CELF2: variants seen among roughly 807,000 people sequenced by gnomAD.
The protein encoded by CELF2 is CUGBP Elav-like family member 2.
CELF2 carries 8 observed loss-of-function variants against 62.6 expected under a neutral mutation model. The ratio of observed to expected loss-of-function variants is 0.13; its 90% CI spans 0.07 to 0.23. The LOEUF (loss-of-function observed/expected upper bound fraction) is 0.23, where lower values mean the gene tolerates loss of function less well. CELF2 is among the 10% of genes least tolerant of loss of function. The pLI, the probability that CELF2 is intolerant of heterozygous loss-of-function variation, is 1.00. For missense variants in CELF2, 333 were observed against 671.0 expected, an observed-to-expected ratio of 0.50 and a Z score of 5.56; for synonymous variants, 258 against 250.0, an observed-to-expected ratio of 1.03 and a Z score of -0.30.
chr10:10,894,528 T>C (rs559199417), intron 1 of CELF2, among the ~76,000 whole-genome samples: 5 of 152,332 alleles, frequency 3.3e-5, no homozygotes, highest in Admixed American at 1.3e-4. Flanking sequence ...GAAAGTTCCT[T>C]TAGCACACAG....
In CELF2 at chr10:11,314,224, C is replaced by T. The variant is rs895122765; in HGVS notation, c.1062C>T (p.Ala354=). 3.1e-6 allele frequency: 5 copies of T among 1,614,064 alleles called. 1 individual carries two copies. In the Admixed American group the frequency reaches 8.3e-5, roughly 27 times the overall value. ...GGACTCTGCAAGGACTGGCTGGAGCCACTGTTGGACTGAATAATATTAATG... is the reference window on the plus strand; with the variant it reads ...GGACTCTGCAAGGACTGGCTGGAGCTACTGTTGGACTGAATAATATTAATG... ...SLGTLQGLAG[A]TVGLNNINAL... The change falls in exon 10 of 13, where the codon GCC becomes GCT. Residue 354 remains alanine (A), a synonymous_variant. Coordinates refer to ENST00000633077, the MANE Select transcript of CELF2 (RefSeq NM_001326342.2). This position sits in a 1 kb window ranked among gnomAD's most constrained non-coding sequence, Gnocchi z 5.3.
intron 2 of CELF2, among the ~76,000 whole-genome samples, chr10:11,205,864 A>G (rs1451411399): frequency 1.3e-5 from 2 of 152,222 alleles, no homozygotes; most frequent in Non-Finnish European, 2.9e-5. Flanking sequence ...TTAGTTCTCC[A>G]GCATCATATC....
At chr10:10,964,422 T>C (rs915853217) in intron 2 of CELF2, among the ~76,000 whole-genome samples, 1 of 152,198 alleles carries the variant, frequency 6.6e-6, no homozygotes, top group African/African-American at 2.4e-5. Flanking sequence ...TCTCGTGCCT[T>C]CAAAAAGGTA....
At chr10:11,259,353 G>T (rs1590030165) in intron 5 of CELF2, among the ~76,000 whole-genome samples, 1 of 151,462 alleles carries the variant, frequency 6.6e-6, no homozygotes, top group Admixed American at 6.6e-5. Context: ...CAGCATGAAG[G>T]TAGTCTACAG....
intron 2 of CELF2, among the ~76,000 whole-genome samples, chr10:10,975,634 G>C (rs1230290454): frequency 6.6e-6 from 1 of 152,230 alleles, no homozygotes; most frequent in African/African-American, 2.4e-5. Context: ...GGTTGATTAA[G>C]AGGAATCTGA....
At chr10:10,764,500 C>T in the CELF2 span, among the ~76,000 whole-genome samples, 2 of 152,132 alleles carry the variant, frequency 1.3e-5, no homozygotes, top group African/African-American at 4.8e-5. Context: ...CTGCACACCG[C>T]ACAAGGTGTC....
chr10:10,578,647 C>T, the CELF2 span, among the ~76,000 whole-genome samples: 3,954 of 152,138 alleles, frequency 0.026, 159 homozygotes, highest in African/African-American at 0.09. Context: ...TGCAAGCACA[C>T]CCCAGCCCCA....
At chr10:10,978,738 C>G (rs2051679249) in intron 2 of CELF2, among the ~76,000 whole-genome samples, 1 of 152,134 alleles carries the variant, frequency 6.6e-6, no homozygotes, top group South Asian at 2.1e-4. Context: ...ATATGGTAGG[C>G]CAATACCCTA....
chr10:10,932,908 G>T (rs1356463101), intron 2 of CELF2, among the ~76,000 whole-genome samples: 4 of 152,116 alleles, frequency 2.6e-5, no homozygotes, highest in Admixed American at 2.6e-4. Flanking sequence ...CACCCAGATG[G>T]TTTGTTAAGA....
intron 1 of CELF2, among the ~76,000 whole-genome samples, chr10:10,816,542 G>C (rs969694094): frequency 5.3e-5 from 8 of 152,154 alleles, no homozygotes; most frequent in Non-Finnish European, 1.2e-4. Context: ...ATACTGAATA[G>C]CCATAGAGCT....
rs2064536558 is a variant in CELF2, at chr10:11,220,505, T to G, written c.354+2998T>G. On this transcript the variant is annotated intron_variant, in intron 3 of 12. Coordinates refer to ENST00000633077, the MANE Select transcript of CELF2 (RefSeq NM_001326342.2). The surrounding 1 kb of genome is among the most constrained non-coding windows in gnomAD (Gnocchi z 4.4). ...GAATGAATTTTAGAAACCCTTTACA[T>G]GGGGCTGGAGAAACGACTCCCAGAT... Among the ~76,000 whole-genome samples, 1 of 152,184 alleles carries G rather than the reference T, an allele frequency of 6.6e-6. No individual in the cohort carries two copies. The highest frequency in any genetic ancestry group is 1.5e-5 in the Non-Finnish European group (1 of 68,022).
chr10:10,835,319 G>A (rs1180291192), intron 1 of CELF2, among the ~76,000 whole-genome samples: 1 of 151,630 alleles, frequency 6.6e-6, no homozygotes, highest in Non-Finnish European at 1.5e-5. Flanking sequence ...TCAAACTCCT[G>A]ATGTCAAGTA....
the CELF2 span, among the ~76,000 whole-genome samples, chr10:10,690,584 A>G: frequency 2.0e-5 from 3 of 152,178 alleles, no homozygotes; most frequent in African/African-American, 7.2e-5. Context: ...CCTGCATGCA[A>G]AATACCAGCT....
chr10:11,319,180 T>A lies in CELF2; in HGVS notation c.1097-2009T>A. On this transcript the variant is annotated intron_variant, in intron 10 of 12. Transcript: ENST00000633077. The surrounding 1 kb of genome is among the most constrained non-coding windows in gnomAD (Gnocchi z 4.4). ...CCAGAGGACTGTGCCCAGAGTGCGA[T>A]CATCTGTAATCCACAGCACCCGTTA... The A allele has an allele frequency of 2.2e-6, 1 of 452,612 alleles. No individual in the cohort carries two copies. Among genetic ancestry groups the A allele is most frequent in the Non-Finnish European group, 4.6e-6 (1 of 218,782 alleles). 28.0% of individuals were successfully genotyped at this position (452,612 alleles called of 1,614,324 possible). A position where few individuals can be genotyped will look rare whatever the true frequency, so the allele number is the denominator to read the frequency against.
the CELF2 span, among the ~76,000 whole-genome samples, chr10:10,465,468 A>G: frequency 2.0e-5 from 3 of 152,150 alleles, no homozygotes; most frequent in East Asian, 3.9e-4. Flanking sequence ...ATTTGCTTCA[A>G]TTCTTCACCT....
At chr10:11,121,875 G>A (rs552047663) in intron 1 of CELF2, among the ~76,000 whole-genome samples, 4 of 152,252 alleles carry the variant, frequency 2.6e-5, no homozygotes, top group Admixed American at 6.5e-5. Flanking sequence ...TGACAGGGGA[G>A]AGTAGAGACG....
At position 11,318,450 on chromosome 10, in the gene CELF2, G is replaced by A. The variant is rs1041527793; in HGVS notation, c.1097-2739G>A. ...CTCTGCCACCTCCCCAGGGAAACAG[G>A]GCTGGCCACAGCTGTCTCCTACATG... is the stretch of plus-strand genomic sequence containing the variant. On this transcript the variant is annotated intron_variant, in intron 10 of 12. Coordinates refer to ENST00000633077, the MANE Select transcript of CELF2 (RefSeq NM_001326342.2). The surrounding 1 kb of genome is among the most constrained non-coding windows in gnomAD (Gnocchi z 5.4). 2 of 310,372 alleles carry A rather than the reference G, an allele frequency of 6.4e-6. No individual in the cohort carries two copies. The highest frequency in any genetic ancestry group is 1.3e-5 in the Non-Finnish European group (2 of 159,188). 19.2% of individuals were successfully genotyped at this position (310,372 alleles called of 1,614,324 possible). A position where few individuals can be genotyped will look rare whatever the true frequency, so the allele number is the denominator to read the frequency against.
At chr10:10,942,427 T>C (rs1799140869) in intron 2 of CELF2, among the ~76,000 whole-genome samples, 1 of 152,132 alleles carries the variant, frequency 6.6e-6, no homozygotes, top group African/African-American at 2.4e-5. Context: ...TTTCTTATGG[T>C]CTATTGGAAT....
intron 7 of CELF2, among the ~76,000 whole-genome samples, chr10:11,273,965 C>G (rs2084931680): frequency 1.3e-4 from 1 of 7,448 alleles, no homozygotes; most frequent in Admixed American, 2.8e-3. Flanking sequence ...TCAAGTGATC[C>G]CCACCCCCCC....
Sources: allele counts gnomAD v4.1 joint callset (sites outside exome capture counted in the v4.1 genomes callset), GRCh38; gene constraint gnomAD v4.1.1; non-coding constraint Gnocchi (gnomAD v3.1); transcripts MANE v1.5; gene names NCBI Gene and HGNC (gene_info 2026-07-23, HGNC 2026-07-21).